The following GNAQ variants were observed in gnomAD, a reference collection of about 807,000 sequenced individuals.
GNAQ encodes guanine nucleotide-binding protein G(q) subunit alpha.
Under a neutral mutation model 43.9 loss-of-function variants are expected in GNAQ, and 8 were observed. That is an observed-to-expected ratio of 0.18 (90% CI 0.11 to 0.33). The LOEUF (loss-of-function observed/expected upper bound fraction) is 0.33. Ranked by LOEUF, GNAQ falls within the 10% of genes least tolerant of loss-of-function variation. The pLI, the probability that GNAQ is intolerant of heterozygous loss-of-function variation, is 1.00. For missense variants in GNAQ, 158 were observed against 450.8 expected (o/e 0.35, Z 5.88); for synonymous variants, 155 against 170.7 (o/e 0.91, Z 0.71).
intron 3 of GNAQ, among the ~76,000 whole-genome samples, chr9:77,814,975 G>A (rs1455588177): frequency 2.0e-5 from 3 of 152,212 alleles, no homozygotes; most frequent in Admixed American, 6.5e-5. Flanking sequence ...TAATTCTAGA[G>A]AAGTAATAGA....
chr9:77,983,165 CTT>C (rs1423270047), intron 1 of GNAQ, among the ~76,000 whole-genome samples: 1 of 152,206 alleles, frequency 6.6e-6, no homozygotes, highest in Admixed American at 6.5e-5. Context: ...GAAACTGGCA[CTT>C]TGTTTCTCAC....
In GNAQ at chr9:77,994,494, T is replaced by C. The variant is rs1206241613; in HGVS notation, c.136+36606A>G. ...GGAACACTTTATCCATCCTTCCTAC[T>C]GGGTTACTAGTATCTCAGATTCATC... On this transcript the variant is annotated intron_variant, in intron 1 of 6. Coordinates refer to ENST00000286548, the MANE Select transcript of GNAQ (RefSeq NM_002072.5). 3.9e-5 allele frequency among the ~76,000 whole-genome samples: 6 copies of C among 152,240 alleles called. No individual in the cohort carries two copies. The East Asian group carries it at 1.2e-3, about 29-fold the overall frequency.
chr9:77,854,294 T>G lies in GNAQ; in HGVS notation c.322-38524A>C, dbSNP rs112351730. Among the ~76,000 whole-genome samples, 996 of 152,302 alleles carry G rather than the reference T, an allele frequency of 6.5e-3. 5 individuals are homozygous for G. Among genetic ancestry groups the G allele is most frequent in the African/African-American group, 0.023 (942 of 41,558 alleles). ...ATGAGAAATAAGAATTGATCAACTTTGAGGTTTGACCTAATGCAACTGATA... is the reference window on the plus strand; with the variant it reads ...ATGAGAAATAAGAATTGATCAACTTGGAGGTTTGACCTAATGCAACTGATA... On this transcript the variant is annotated intron_variant, in intron 2 of 6. Coordinates refer to ENST00000286548, the MANE Select transcript of GNAQ (RefSeq NM_002072.5).
chr9:77,975,606 C>A lies in GNAQ; in HGVS notation c.137-53261G>T, dbSNP rs550904570. Among the ~76,000 whole-genome samples the A allele has an allele frequency of 1.4e-3, 193 of 142,942 alleles. 1 individual carries two copies. The highest frequency in any genetic ancestry group is 4.9e-3 in the African/African-American group (186 of 38,300). 93.8% of individuals were successfully genotyped at this position (142,942 alleles called of 152,430 possible). ...GCAGGCTGGAGGGCAGTGGCGCGAT[C>A]TCGGTTCACTGCAACCTCCTCCTCC... On this transcript the variant is annotated intron_variant, in intron 1 of 6. Transcript: ENST00000286548.
At chr9:77,952,631 CCTTA>C (rs1475823124) in intron 1 of GNAQ, among the ~76,000 whole-genome samples, 3 of 152,142 alleles carry the variant, frequency 2.0e-5, no homozygotes, top group Non-Finnish European at 2.9e-5. Flanking sequence ...TCAAGTTACT[CCTTA>C]TTTATTAAAT....
At chr9:77,752,885 G>T (rs879593516) in intron 5 of GNAQ, among the ~76,000 whole-genome samples, 1 of 152,074 alleles carries the variant, frequency 6.6e-6, no homozygotes, top group African/African-American at 2.4e-5. Flanking sequence ...AGGAGATTGA[G>T]GCCATGCTGG....
chr9:77,933,640 C>CAA (rs56939865), intron 1 of GNAQ, among the ~76,000 whole-genome samples: 55 of 147,682 alleles, frequency 3.7e-4, no homozygotes, highest in Admixed American at 5.4e-4. Flanking sequence ...GACCCTGTCT[C>CAA]AAAAAAAAAA....
chr9:77,995,925 A>C (rs1360056412), intron 1 of GNAQ, among the ~76,000 whole-genome samples: 1 of 152,216 alleles, frequency 6.6e-6, no homozygotes, highest in Non-Finnish European at 1.5e-5. Context: ...TCTAGAAGTA[A>C]AAAACTAAGG....
intron 5 of GNAQ, among the ~76,000 whole-genome samples, chr9:77,780,541 T>C (rs186865635): frequency 2.6e-5 from 4 of 152,024 alleles, no homozygotes; most frequent in East Asian, 1.9e-4. Context: ...GACTGATACA[T>C]TGGCTACTGT....
intron 2 of GNAQ, among the ~76,000 whole-genome samples, chr9:77,822,602 T>TA (rs1291825140): frequency 2.2e-5 from 2 of 91,760 alleles, no homozygotes; most frequent in Admixed American, 1.1e-4. Flanking sequence ...GGCGAAAAAA[T>TA]AAAAAGAACA....
intron 5 of GNAQ, among the ~76,000 whole-genome samples, chr9:77,786,326 C>T (rs1487679551): frequency 1.4e-5 from 2 of 141,018 alleles, no homozygotes; most frequent in African/African-American, 2.7e-5. Context: ...TGCAGCGAGC[C>T]GAGATGGTGA....
intron 2 of GNAQ, among the ~76,000 whole-genome samples, chr9:77,856,345 A>G (rs759927739): frequency 2.0e-5 from 3 of 152,178 alleles, no homozygotes; most frequent in Non-Finnish European, 4.4e-5. Flanking sequence ...TGATTGATGT[A>G]TTGTATATAG....
chr9:77,982,013 T>A (rs550902056), intron 1 of GNAQ, among the ~76,000 whole-genome samples: 3 of 152,182 alleles, frequency 2.0e-5, no homozygotes, highest in Admixed American at 2.0e-4. Flanking sequence ...AAAAGTCTCT[T>A]GGTATCTGAT....
intron 6 of GNAQ, among the ~76,000 whole-genome samples, chr9:77,726,228 T>C (rs191823464): frequency 3.3e-5 from 5 of 151,878 alleles, no homozygotes; most frequent in Admixed American, 3.3e-4. Flanking sequence ...TTAAAAGGAG[T>C]GAAAGAGAAA....
intron 2 of GNAQ, among the ~76,000 whole-genome samples, chr9:77,833,765 T>C (rs964875317): frequency 1.3e-5 from 2 of 152,182 alleles, no homozygotes; most frequent in East Asian, 1.9e-4. Flanking sequence ...CCTTTTTTTA[T>C]TCTTATACTT....
chr9:78,007,048 C>T (rs1823715709), intron 1 of GNAQ, among the ~76,000 whole-genome samples: 1 of 152,170 alleles, frequency 6.6e-6, no homozygotes, highest in Non-Finnish European at 1.5e-5. Flanking sequence ...ATTCTGATGA[C>T]TGGTTCTACA....
At chr9:77,848,331 T>C (rs1442360772) in intron 2 of GNAQ, among the ~76,000 whole-genome samples, 2 of 152,216 alleles carry the variant, frequency 1.3e-5, no homozygotes, top group South Asian at 2.1e-4. Flanking sequence ...CCCACTTGAA[T>C]AGGGCAATTT....
At chr9:77,961,146 T>C (rs1420319050) in intron 1 of GNAQ, among the ~76,000 whole-genome samples, 1 of 152,210 alleles carries the variant, frequency 6.6e-6, no homozygotes, top group African/African-American at 2.4e-5. Flanking sequence ...TTTGAATTTA[T>C]ACTCATTCAC....
At chr9:77,816,614 T>A (rs575215253) in intron 2 of GNAQ, among the ~76,000 whole-genome samples, 6 of 151,994 alleles carry the variant, frequency 3.9e-5, no homozygotes, top group Admixed American at 3.3e-4. Context: ...TACACACACA[T>A]ATATATATAC....
Sources: gnomAD v4.1 joint callset for allele counts (sites outside exome capture counted in the v4.1 genomes callset) on GRCh38, gnomAD v4.1.1 for gene constraint, MANE v1.5 for transcripts, NCBI Gene and HGNC (gene_info 2026-07-23, HGNC 2026-07-21) for gene names.